SPRR2E: variants seen among roughly 807,000 people sequenced by gnomAD.
The protein encoded by SPRR2E is small proline rich protein 2E, also known as small proline-rich protein 2E.
For synonymous variants in SPRR2E, 20 were observed against 32.2 expected, an observed-to-expected ratio of 0.62 and a Z score of 1.28; for missense variants, 68 against 87.1, an observed-to-expected ratio of 0.78 and a Z score of 0.87.
chr1:153,093,977 A>G (rs960636914), intron 1 of SPRR2E, among the ~76,000 whole-genome samples: 1 of 152,224 alleles, frequency 6.6e-6, no homozygotes, highest in African/African-American at 2.4e-5. Flanking sequence ...TTCCTCATAC[A>G]ATTTTTCCAA....
chr1:153,094,161 G>A (rs1043891700), intron 1 of SPRR2E, among the ~76,000 whole-genome samples: 10 of 152,248 alleles, frequency 6.6e-5, no homozygotes, highest in African/African-American at 2.4e-4. Flanking sequence ...GGCTGTTCAG[G>A]AAGAAGTACT....
At position 153,093,556 on chromosome 1, in the gene SPRR2E, T is replaced by G. The variant is rs1181478722; in HGVS notation, c.196A>C (p.Lys66Gln). Residue 66 changes from lysine to glutamine, a missense_variant, in exon 2 of 2, where the codon AAG becomes CAG. Lys to Gln is a moderately conservative substitution (Grantham distance 53). Transcript: ENST00000368750. ...TGTTACTTGCTCTTGGGTGGACACT[T>G]TGGCTGGCAGGGTGGGGAAGGTGTC... ...PVTPSPPCQP[K>Q]CPPKSK 1.2e-5 allele frequency: 19 copies of G among 1,612,718 alleles called. No individual in the cohort carries two copies. Among genetic ancestry groups the G allele is most frequent in the Non-Finnish European group, 1.5e-5 (18 of 1,179,786 alleles).
rs1655131127 is a variant in SPRR2E at position 153,093,296 on chromosome 1, G to C, written c.*237C>G. 2 of 730,834 alleles carry C rather than the reference G, an allele frequency of 2.7e-6. No homozygotes were observed. Among genetic ancestry groups the C allele is most frequent in the Non-Finnish European group, 4.3e-6 (2 of 468,624 alleles). 45.3% of individuals were successfully genotyped at this position (730,834 alleles called of 1,614,324 possible). A position where few individuals can be genotyped will look rare whatever the true frequency, so the allele number is the denominator to read the frequency against. On this transcript the variant is annotated 3_prime_UTR_variant, in exon 2 of 2. Coordinates refer to ENST00000368750, the MANE Select transcript of SPRR2E (RefSeq NM_001024209.4). ...GCTGGTCCTTCTTCCAAAGCTCTGGGAACTGACACTGCTGAGGACTTCCTT... is the reference window on the plus strand; with the variant it reads ...GCTGGTCCTTCTTCCAAAGCTCTGGCAACTGACACTGCTGAGGACTTCCTT...
In SPRR2E at chr1:153,093,501, T is replaced by A. The variant is rs376073359; in HGVS notation, c.*32A>T. 6.2e-7 allele frequency: 1 copy of A among 1,604,014 alleles called. No homozygotes were observed. The highest frequency in any genetic ancestry group is 8.5e-7 in the Non-Finnish European group (1 of 1,175,444). Reference sequence around the variant, plus strand: ...GAACAAGGTGAGCCAATTATCCTTATCCTTTCATGCTCCTGATGAATTCTG... The same window carrying A: ...GAACAAGGTGAGCCAATTATCCTTAACCTTTCATGCTCCTGATGAATTCTG... On this transcript the variant is annotated 3_prime_UTR_variant, in exon 2 of 2. Transcript: ENST00000368750.
chr1:153,094,149 A>C (rs1269039392), intron 1 of SPRR2E, among the ~76,000 whole-genome samples: 1 of 152,228 alleles, frequency 6.6e-6, no homozygotes, highest in East Asian at 1.9e-4. Context: ...GCACAGAGCA[A>C]GGGCTGTTCA....
At position 153,093,545 on chromosome 1, in the gene SPRR2E, G is replaced by T; in HGVS notation, c.207C>A (p.Pro69=). The change falls in exon 2 of 2, where the codon CCC becomes CCA. Residue 69 remains proline, a synonymous_variant. Transcript: ENST00000368750. ...AATTCTGAAGCTGTTACTTGCTCTT[G>T]GGTGGACACTTTGGCTGGCAGGGTG... ...PSPPCQPKCP[P]KSK is the part of the protein sequence containing the mutation. 1 of 1,612,550 alleles carries T rather than the reference G, an allele frequency of 6.2e-7. No homozygotes were observed. The highest frequency in any genetic ancestry group is 8.5e-7 in the Non-Finnish European group (1 of 1,179,682).
In SPRR2E at chr1:153,093,707, A is replaced by G; in HGVS notation, c.45T>C (p.Pro15=). The part of the protein sequence containing the change: ...QQQCKQPCQP[P]PVCPTPKCPE... The stretch of plus-strand genomic sequence containing the variant: ...GGCACTTTGGCGTGGGGCACACAGG[A>G]GGTGGCTGGCAGGGCTGCTTGCACT... The change falls in exon 2 of 2, where the codon CCT becomes CCC. Residue 15 remains proline (P), a synonymous_variant. Coordinates refer to ENST00000368750, the MANE Select transcript of SPRR2E (RefSeq NM_001024209.4). 1 of 1,612,210 alleles carries G rather than the reference A, an allele frequency of 6.2e-7. No homozygotes were observed. The highest frequency in any genetic ancestry group is 8.5e-7 in the Non-Finnish European group (1 of 1,179,862).
Position 153,093,471 on chromosome 1 carries a change from C to A in SPRR2E, c.*62G>T. The A allele has an allele frequency of 6.3e-7, 1 of 1,574,964 alleles. No individual in the cohort carries two copies. Among genetic ancestry groups the A allele is most frequent in the Non-Finnish European group, 8.6e-7 (1 of 1,159,984 alleles). On this transcript the variant is annotated 3_prime_UTR_variant, in exon 2 of 2. Coordinates refer to ENST00000368750, the MANE Select transcript of SPRR2E (RefSeq NM_001024209.4). The stretch of plus-strand genomic sequence containing the variant: ...CTTTGATGAGAAGATGCAGGTGAAG[C>A]TGTGGAACAAGGTGAGCCAATTATC...
chr1:153,093,300 T>C lies in SPRR2E; in HGVS notation c.*233A>G. 2 of 751,568 alleles carry C rather than the reference T, an allele frequency of 2.7e-6. No individual in the cohort carries two copies. Among genetic ancestry groups the C allele is most frequent in the Middle Eastern group, 3.9e-4 (1 of 2,564 alleles). 46.6% of individuals were successfully genotyped at this position (751,568 alleles called of 1,614,324 possible). ...GTCCTTCTTCCAAAGCTCTGGGAAC[T>C]GACACTGCTGAGGACTTCCTTTCTC... On this transcript the variant is annotated 3_prime_UTR_variant, in exon 2 of 2. Transcript: ENST00000368750.
chr1:153,094,080 A>T (rs140868973), intron 1 of SPRR2E, among the ~76,000 whole-genome samples: 102 of 152,372 alleles, frequency 6.7e-4, no homozygotes, highest in African/African-American at 2.4e-3. Context: ...CTCCTGGGCA[A>T]TCTCACAAGC....
Position 153,093,510 on chromosome 1 carries a change from G to A in SPRR2E, c.*23C>T. 1 of 1,608,296 alleles carries A rather than the reference G, an allele frequency of 6.2e-7. No individual in the cohort carries two copies. The highest frequency in any genetic ancestry group is 8.5e-7 in the Non-Finnish European group (1 of 1,177,560). ...GAGCCAATTATCCTTATCCTTTCAT[G>A]CTCCTGATGAATTCTGAAGCTGTTA... On this transcript the variant is annotated 3_prime_UTR_variant, in exon 2 of 2. Transcript: ENST00000368750.
intron 1 of SPRR2E, among the ~76,000 whole-genome samples, 160 bp from the exon 2 acceptor site, chr1:153,093,930 T>C (rs1173850683): frequency 2.9e-4 from 44 of 152,266 alleles, no homozygotes; most frequent in Non-Finnish European, 5.9e-5. Flanking sequence ...CTTTCCACTT[T>C]AGCAAGTTGT....
At position 153,093,537 on chromosome 1, in the gene SPRR2E, T is replaced by C. The variant is rs1254200110; in HGVS notation, c.215A>G (p.Lys72Arg). The change falls in exon 2 of 2, where the codon AAG (lysine) becomes AGG (arginine). Residue 72 changes from lysine (K) to arginine (R), a missense_variant. Coordinates refer to ENST00000368750, the MANE Select transcript of SPRR2E (RefSeq NM_001024209.4). Reference protein sequence around the residue: ...PCQPKCPPKSK With the variant: ...PCQPKCPPKSR The stretch of plus-strand genomic sequence containing the variant: ...TCCTGATGAATTCTGAAGCTGTTAC[T>C]TGCTCTTGGGTGGACACTTTGGCTG... 2 of 1,612,242 alleles carry C rather than the reference T, an allele frequency of 1.2e-6. No individual in the cohort carries two copies. The highest frequency in any genetic ancestry group is 1.7e-6 in the Non-Finnish European group (2 of 1,179,598).
At chr1:153,094,259 A>G (rs557422833) in intron 1 of SPRR2E, among the ~76,000 whole-genome samples, 1 of 152,346 alleles carries the variant, frequency 6.6e-6, no homozygotes, top group East Asian at 1.9e-4. Context: ...CTTTCTTCAA[A>G]CCAAAACTTT....
At chr1:153,094,346 A>G (rs3913438) in intron 1 of SPRR2E, 138 bp downstream of exon 1, 22,484 of 159,130 alleles carry the variant, frequency 0.14, 2,922 homozygotes, top group East Asian at 0.43. Context: ...GTATCATGTA[A>G]TCTAATCCTG....
chr1:153,093,970 C>T (rs1478235804), intron 1 of SPRR2E, among the ~76,000 whole-genome samples, 200 bp from the exon 2 acceptor site: 2 of 152,190 alleles, frequency 1.3e-5, no homozygotes, highest in Non-Finnish European at 2.9e-5. Flanking sequence ...CCTGCCTTTC[C>T]TCATACAATT....
Position 153,093,336 on chromosome 1 carries a change from TG to T in SPRR2E, c.*196del. 9.4e-7 allele frequency: 1 copy of T among 1,066,618 alleles called. No individual in the cohort carries two copies. The highest frequency in any genetic ancestry group is 1.3e-6 in the Non-Finnish European group (1 of 750,234). 66.1% of individuals were successfully genotyped at this position (1,066,618 alleles called of 1,614,324 possible). On this transcript the variant is annotated 3_prime_UTR_variant, in exon 2 of 2. Coordinates refer to ENST00000368750, the MANE Select transcript of SPRR2E (RefSeq NM_001024209.4). ...AGGACTTCCTTTCTCAGTCTCCACCTGGACAGTGGCAATATGGCAGCCTCAG... is the reference window on the plus strand; with the variant it reads ...AGGACTTCCTTTCTCAGTCTCCACCTGACAGTGGCAATATGGCAGCCTCAG...
Position 153,093,585 on chromosome 1 carries a change from G to A in SPRR2E, c.167C>T (p.Pro56Leu), listed in dbSNP as rs1655140935. The stretch of plus-strand genomic sequence containing the variant: ...CTGGCAGGGTGGGGAAGGTGTCACA[G>A]GAGGACATTTTTGCTGGCACTGCTG... Reference protein sequence around the residue: ...PPQQCQQKCPPVTPSPPCQPK... With the variant: ...PPQQCQQKCPLVTPSPPCQPK... The change falls in exon 2 of 2, where the codon CCT becomes CTT. Residue 56 changes from proline (P) to leucine (L), a missense_variant. By Grantham distance (98) the Pro-to-Leu change is moderately conservative. Transcript: ENST00000368750. 1.9e-6 allele frequency: 3 copies of A among 1,613,000 alleles called. No homozygotes were observed. Among genetic ancestry groups the A allele is most frequent in the Middle Eastern group, 3.8e-4 (2 of 5,312 alleles).
chr1:153,093,467 G>A lies in SPRR2E; in HGVS notation c.*66C>T. On this transcript the variant is annotated 3_prime_UTR_variant, in exon 2 of 2. Coordinates refer to ENST00000368750, the MANE Select transcript of SPRR2E (RefSeq NM_001024209.4). Reference sequence around the variant, plus strand: ...TAGGCTTTGATGAGAAGATGCAGGTGAAGCTGTGGAACAAGGTGAGCCAAT... The same window carrying A: ...TAGGCTTTGATGAGAAGATGCAGGTAAAGCTGTGGAACAAGGTGAGCCAAT... 1 of 1,572,148 alleles carries A rather than the reference G, an allele frequency of 6.4e-7. No individual in the cohort carries two copies. The highest frequency in any genetic ancestry group is 8.6e-7 in the Non-Finnish European group (1 of 1,158,354).
Sources: gnomAD v4.1 joint callset for allele counts (sites outside exome capture counted in the v4.1 genomes callset) on GRCh38, gnomAD v4.1.1 for gene constraint, MANE v1.5 for transcripts, NCBI Gene and HGNC (gene_info 2026-07-23, HGNC 2026-07-21) for gene names.